RNLS: variants seen among roughly 807,000 people sequenced by gnomAD.
RNLS encodes renalase.
In RNLS, 39 loss-of-function variants were observed where a neutral mutation model predicts 39.8. That is an observed-to-expected ratio of 0.98 (90% CI 0.76 to 1.28). The LOEUF (loss-of-function observed/expected upper bound fraction) is 1.28, where lower values mean the gene tolerates loss of function less well. Ranked by LOEUF, RNLS falls within the 50% of genes most tolerant of loss-of-function variation. The probability of loss-of-function intolerance (pLI) is 0.00; values close to 1 mark genes in which losing one functional copy is unlikely to be tolerated. For missense variants in RNLS, 410 were observed against 413.3 expected (o/e 0.99, Z 0.07); for synonymous variants, 147 against 150.7 (o/e 0.98, Z 0.18).
chr10:88,549,559 C>T (rs1652027457), intron 4 of RNLS, among the ~76,000 whole-genome samples: 2 of 152,128 alleles, frequency 1.3e-5, no homozygotes, highest in Admixed American at 1.3e-4. Context: ...CAGTAAGACC[C>T]TGTTTCTAAA....
At chr10:88,380,343 T>C (rs1455768137) in intron 4 of RNLS, among the ~76,000 whole-genome samples, 3 of 151,446 alleles carry the variant, frequency 2.0e-5, no homozygotes, top group African/African-American at 7.3e-5. Flanking sequence ...TTTTCATTTT[T>C]TAGTCTTGGG....
chr10:88,444,187 T>C (rs1009307079), intron 4 of RNLS, among the ~76,000 whole-genome samples: 21 of 152,366 alleles, frequency 1.4e-4, no homozygotes, highest in African/African-American at 4.8e-4. Context: ...CTGCAGCCTC[T>C]GCTGCTGATA....
intron 5 of RNLS, among the ~76,000 whole-genome samples, chr10:88,324,796 T>C (rs865950229): frequency 1.3e-5 from 2 of 152,288 alleles, no homozygotes; most frequent in South Asian, 2.1e-4. Flanking sequence ...CCTTAAACAA[T>C]AAGTAACTAT....
rs756499748 is a variant in RNLS at position 88,285,444 on chromosome 10, T to G, written c.939A>C (p.Ala313=). 1 of 1,613,294 alleles carries G rather than the reference T, an allele frequency of 6.2e-7. No homozygotes were observed. The highest frequency in any genetic ancestry group is 8.5e-7 in the Non-Finnish European group (1 of 1,179,522). ...QMTLHHKPFL[A]CGGDGFTQSN... ...ACTGAGTAAATCCATCCCCTCCACA[T>G]GCAAGGAAAGGTTTGTGATGCAGAG... Residue 313 remains alanine (A), a synonymous_variant, in exon 7 of 7, where the codon GCA becomes GCC. Transcript: ENST00000331772.
the RNLS span, chr10:88,259,062 T>C: frequency 6.6e-6 from 1 of 152,268 alleles, no homozygotes; most frequent in African/African-American, 2.4e-5. Flanking sequence ...TAGCAAATGC[T>C]ATCACACACT....
rs199837301 is a variant in RNLS, at chr10:88,524,123, T to TA, written c.526+48779dup. 1.2e-3 allele frequency among the ~76,000 whole-genome samples: 173 copies of TA among 143,164 alleles called. 1 individual carries two copies. In the Middle Eastern group the frequency reaches 0.014, roughly 11 times the overall value. The allele number at this position is 143,164 out of a possible 152,430, so 93.9% of individuals were successfully genotyped here. On this transcript the variant is annotated intron_variant, in intron 4 of 6. Transcript: ENST00000331772. ...CATCATTCCTTAAAACTGATTATAT[T>TA]AAAAAAAAAAGCTCTTTAGGTTTCC...
chr10:88,384,194 A>G (rs1019706458), intron 4 of RNLS, among the ~76,000 whole-genome samples: 1 of 152,170 alleles, frequency 6.6e-6, no homozygotes, highest in Non-Finnish European at 1.5e-5. Context: ...GACATAGACT[A>G]TTCTCTTATG....
chr10:88,258,703 A>AGTAGTTG, the RNLS span, among the ~76,000 whole-genome samples: 1 of 152,246 alleles, frequency 6.6e-6, no homozygotes, highest in Non-Finnish European at 1.5e-5. Flanking sequence ...GAGATAAGGC[A>AGTAGTTG]GTAGTTGGGA....
chr10:88,575,251 A>T (rs1850131568), intron 3 of RNLS, among the ~76,000 whole-genome samples: 1 of 141,136 alleles, frequency 7.1e-6, no homozygotes, highest in Non-Finnish European at 1.5e-5. Context: ...TATATACACC[A>T]AGGTGTATAT....
chr10:88,548,130 C>T (rs1422256984), intron 4 of RNLS, among the ~76,000 whole-genome samples: 9 of 150,834 alleles, frequency 6.0e-5, no homozygotes, highest in Admixed American at 4.0e-4. Flanking sequence ...GGCATGGTGG[C>T]GTGTGCCTGT....
At chr10:88,419,295 G>C (rs754232513) in intron 4 of RNLS, among the ~76,000 whole-genome samples, 3 of 152,162 alleles carry the variant, frequency 2.0e-5, no homozygotes, top group Non-Finnish European at 4.4e-5. Context: ...TCTAAACCCA[G>C]AACTAACTCT....
chr10:88,452,295 C>T (rs909222141), intron 4 of RNLS, among the ~76,000 whole-genome samples: 5 of 152,126 alleles, frequency 3.3e-5, no homozygotes, highest in East Asian at 3.9e-4. Flanking sequence ...GTGGGAACTA[C>T]GGTGATGTAA....
intron 4 of RNLS, among the ~76,000 whole-genome samples, chr10:88,474,539 G>A (rs921331076): frequency 5.9e-5 from 9 of 152,128 alleles, no homozygotes; most frequent in African/African-American, 2.2e-4. Context: ...CACAGCAAGT[G>A]TATTAAATGG....
rs545304617 is a variant in RNLS, at chr10:88,481,797, T to C, written c.526+91106A>G. Among the ~76,000 whole-genome samples, 31 of 152,328 alleles carry C rather than the reference T, an allele frequency of 2.0e-4. No individual in the cohort carries two copies. The East Asian group carries it at 5.8e-3, about 28-fold the overall frequency. On this transcript the variant is annotated intron_variant, in intron 4 of 6. Coordinates refer to ENST00000331772, the MANE Select transcript of RNLS (RefSeq NM_001031709.3). ...CATTTCCATTGCTTTTCATTTTTTT[T>C]CTGTGAATTTGAGTTATCTTTTGGT...
chr10:88,466,806 A>C (rs1342838619), intron 4 of RNLS, among the ~76,000 whole-genome samples: 1 of 152,182 alleles, frequency 6.6e-6, no homozygotes, highest in Non-Finnish European at 1.5e-5. Context: ...AGAAATCAAG[A>C]CCACTTGGGA....
chr10:88,474,536 A>G (rs1380586888), intron 4 of RNLS, among the ~76,000 whole-genome samples: 7 of 152,194 alleles, frequency 4.6e-5, no homozygotes, highest in African/African-American at 1.4e-4. Flanking sequence ...GTTCACAGCA[A>G]GTGTATTAAA....
downstream of RNLS, among the ~76,000 whole-genome samples, chr10:88,272,824 G>A (rs1842685659): frequency 6.6e-6 from 1 of 152,128 alleles, no homozygotes; most frequent in Non-Finnish European, 1.5e-5. Context: ...CAAGTTGGAA[G>A]CTGCCTTGAA....
At chr10:88,203,331 TATATAC>T in the RNLS span, among the ~76,000 whole-genome samples, 1,589 of 18,788 alleles carry the variant, frequency 0.085, 567 homozygotes, top group African/African-American at 0.11. Context: ...TATATATATA[TATATAC>T]ACGTATGTGT....
chr10:88,460,131 A>T (rs745956921), intron 4 of RNLS, among the ~76,000 whole-genome samples: 22 of 152,166 alleles, frequency 1.4e-4, no homozygotes, highest in Admixed American at 3.9e-4. Flanking sequence ...AGGCTCAGGT[A>T]GGTAAGAGAA....
Sources: allele counts gnomAD v4.1 joint callset (sites outside exome capture counted in the v4.1 genomes callset), GRCh38; gene constraint gnomAD v4.1.1; transcripts MANE v1.5; gene names NCBI Gene and HGNC (gene_info 2026-07-23, HGNC 2026-07-21).